NOSIP: variants seen among roughly 807,000 people sequenced by gnomAD.
The protein encoded by NOSIP is nitric oxide synthase interacting protein.
Under a neutral mutation model 36.4 loss-of-function variants are expected in NOSIP, and 25 were observed. The observed-to-expected ratio is 0.69, with a 90% CI of 0.50 to 0.96. The LOEUF (loss-of-function observed/expected upper bound fraction) is 0.96. Ranked by LOEUF, NOSIP falls within the 40% of genes least tolerant of loss-of-function variation. The pLI is 0.00. For missense variants in NOSIP, 370 were observed against 429.0 expected, an observed-to-expected ratio of 0.86 and a Z score of 1.21; for synonymous variants, 187 against 179.2, an observed-to-expected ratio of 1.04 and a Z score of -0.35.
intron 1 of NOSIP, among the ~76,000 whole-genome samples, chr19:49,562,989 A>G (rs1177307403): frequency 6.6e-6 from 1 of 152,200 alleles, no homozygotes; most frequent in Admixed American, 6.6e-5. Flanking sequence ...AAAGGATACA[A>G]TTTCCAGCAA....
At chr19:49,578,102 ATGTT>A (rs1404160166) in intron 1 of NOSIP, among the ~76,000 whole-genome samples, 1 of 151,942 alleles carries the variant, frequency 6.6e-6, no homozygotes, top group Non-Finnish European at 1.5e-5. Context: ...GGTGAACTAT[ATGTT>A]AGGTAAATCA....
intron 1 of NOSIP, among the ~76,000 whole-genome samples, chr19:49,564,469 A>C (rs570022188): frequency 1.4e-4 from 21 of 151,442 alleles, no homozygotes; most frequent in African/African-American, 3.6e-4. Context: ...AAAAAAAAAA[A>C]AAAAAAACAA....
At chr19:49,577,049 A>G (rs1225997439) in intron 1 of NOSIP, among the ~76,000 whole-genome samples, 1 of 152,210 alleles carries the variant, frequency 6.6e-6, no homozygotes, top group Non-Finnish European at 1.5e-5. Flanking sequence ...ATGGCCAATA[A>G]GCATGTTAAA....
chr19:49,566,310 G>A (rs1309058398), intron 1 of NOSIP, among the ~76,000 whole-genome samples: 1 of 152,052 alleles, frequency 6.6e-6, no homozygotes, highest in East Asian at 1.9e-4. Context: ...GTGAGCCACT[G>A]CGCCCGGCCT....
intron 1 of NOSIP, chr19:49,566,645 G>A (rs1599757073): frequency 6.6e-6 from 1 of 152,042 alleles, no homozygotes; most frequent in Admixed American, 6.6e-5. Flanking sequence ...TGATTCAAAG[G>A]GTGTGTGCAT....
At chr19:49,557,282 C>T (rs780178647) in intron 4 of NOSIP, 33 bp from the exon 5 acceptor site, 9 of 1,544,376 alleles carry the variant, frequency 5.8e-6, no homozygotes, top group Middle Eastern at 2.1e-4. Context: ...AGCATCTGCC[C>T]GTGGGGCTGG....
chr19:49,556,701 G>C lies in NOSIP; in HGVS notation c.573C>G (p.Pro191=). The C allele has an allele frequency of 6.2e-7, 1 of 1,609,598 alleles. No homozygotes were observed. The highest frequency in any genetic ancestry group is 8.5e-7 in the Non-Finnish European group (1 of 1,177,498). Residue 191 remains proline (P), a synonymous_variant, in exon 7 of 9, where the codon CCC becomes CCG. Coordinates refer to ENST00000596358, the MANE Select transcript of NOSIP (RefSeq NM_001270960.2). ...CGGGCGTCAGGTCCGACATGCGCAG[G>C]GGCTTCCCTGACATGGGGCAGGTCA... is the stretch of plus-strand genomic sequence containing the variant. The part of the protein sequence containing the change: ...RTVTCPMSGK[P]LRMSDLTPVH...
intron 1 of NOSIP, among the ~76,000 whole-genome samples, chr19:49,575,476 C>A (rs966623942): frequency 1.3e-5 from 2 of 152,196 alleles, no homozygotes; most frequent in African/African-American, 4.8e-5. Flanking sequence ...AATTTCACTA[C>A]CCCTGAAAAT....
intron 3 of NOSIP, 116 bp downstream of exon 3, chr19:49,559,818 A>G (rs2080306531): frequency 1.4e-6 from 1 of 723,402 alleles, no homozygotes; most frequent in Non-Finnish European, 2.5e-6. Context: ...CTGAGGATAA[A>G]CTGCTCATCC....
chr19:49,556,521 C>A, intron 7 of NOSIP, 28 bp downstream of exon 7: 2 of 1,605,074 alleles, frequency 1.2e-6, no homozygotes, highest in Non-Finnish European at 1.7e-6. Context: ...CCCGAGTGGT[C>A]CCTTCCCTCC....
chr19:49,557,389 C>A, intron 4 of NOSIP, 140 bp from the exon 5 acceptor site: 1 of 1,443,908 alleles, frequency 6.9e-7, no homozygotes, highest in Admixed American at 2.6e-5. Context: ...TAACTGCCAC[C>A]CTGGGTGGGT....
intron 1 of NOSIP, among the ~76,000 whole-genome samples, chr19:49,562,412 C>A (rs1253948416): frequency 1.3e-5 from 2 of 151,678 alleles, no homozygotes; most frequent in African/African-American, 4.8e-5. Context: ...GCGTGAGTCA[C>A]TGTGCCTGGC....
chr19:49,569,199 CTTTTT>C (rs71180641), intron 1 of NOSIP, among the ~76,000 whole-genome samples: 1 of 127,436 alleles, frequency 7.8e-6, no homozygotes, highest in Non-Finnish European at 1.7e-5. Context: ...TACAATGATA[CTTTTT>C]TTTTTTTTTT....
intron 1 of NOSIP, among the ~76,000 whole-genome samples, chr19:49,573,325 C>G (rs983385127): frequency 6.6e-6 from 1 of 152,162 alleles, no homozygotes; most frequent in African/African-American, 2.4e-5. Context: ...AGAGCACTGC[C>G]AAGGTTTGCC....
At chr19:49,574,274 G>T (rs762261541) in intron 1 of NOSIP, among the ~76,000 whole-genome samples, 2 of 152,164 alleles carry the variant, frequency 1.3e-5, no homozygotes, top group Non-Finnish European at 1.5e-5. Context: ...GTTTGATTAA[G>T]TCACTCTCTT....
intron 3 of NOSIP, chr19:49,559,649 G>A (rs563429552): frequency 9.0e-6 from 4 of 445,148 alleles, no homozygotes; most frequent in Admixed American, 3.8e-5. Flanking sequence ...ACCATCAGAG[G>A]TAGGTCATGG....
chr19:49,559,835 C>T (rs2080306707), intron 3 of NOSIP, 99 bp downstream of exon 3: 2 of 789,190 alleles, frequency 2.5e-6, no homozygotes, highest in Non-Finnish European at 4.4e-6. Context: ...ATCCAGGGTT[C>T]CCTGGCTGTG....
At chr19:49,571,983 C>CAAAAAAA (rs35870721) in intron 1 of NOSIP, among the ~76,000 whole-genome samples, 1 of 56,982 alleles carries the variant, frequency 1.8e-5, no homozygotes, top group African/African-American at 6.9e-5. Flanking sequence ...GACTCTGTCT[C>CAAAAAAA]AAAAAAAAAA....
At chr19:49,562,151 C>T (rs996425603) in intron 1 of NOSIP, among the ~76,000 whole-genome samples, 1 of 152,118 alleles carries the variant, frequency 6.6e-6, no homozygotes, top group Non-Finnish European at 1.5e-5. Context: ...GACGGAGTTT[C>T]ACTCTTGTTG....
Sources: gnomAD v4.1 joint callset for allele counts (sites outside exome capture counted in the v4.1 genomes callset) on GRCh38, gnomAD v4.1.1 for gene constraint, MANE v1.5 for transcripts, NCBI Gene and HGNC (gene_info 2026-07-23, HGNC 2026-07-21) for gene names.